Variants in CNKSR2 observed in about 807,000 individuals in gnomAD.
The protein encoded by CNKSR2 is CNK homolog protein 2.
In CNKSR2, 14 loss-of-function variants were observed where a neutral mutation model predicts 84.4. The observed-to-expected ratio is 0.17, with a 90% CI of 0.11 to 0.26. The LOEUF (loss-of-function observed/expected upper bound fraction) is 0.26, where lower values mean the gene tolerates loss of function less well. CNKSR2 is among the 10% of genes least tolerant of loss of function. The pLI, the probability that CNKSR2 is intolerant of heterozygous loss-of-function variation, is 1.00. For missense variants in CNKSR2, 485 were observed against 771.2 expected, an observed-to-expected ratio of 0.63 and a Z score of 4.40; for synonymous variants, 275 against 277.9, an observed-to-expected ratio of 0.99 and a Z score of 0.10.
At chrX:21,445,438 T>C (rs765609813) in intron 4 of CNKSR2, among the ~76,000 whole-genome samples, 52 of 111,231 alleles carry the variant, frequency 4.7e-4, no homozygotes, top group Non-Finnish European at 8.5e-4. Flanking sequence ...TTGTCACTTC[T>C]TTAGGGTGGG....
At chrX:21,604,412 A>T (rs376427849) in intron 18 of CNKSR2, among the ~76,000 whole-genome samples, 5 of 111,270 alleles carry the variant, frequency 4.5e-5, no homozygotes, top group African/African-American at 1.6e-4. Context: ...ACATGTATAC[A>T]TATGTAACAA....
At chrX:21,538,292 G>A (rs1329445393) in intron 11 of CNKSR2, 1 of 111,792 alleles carries the variant, frequency 8.9e-6, no homozygotes, top group Non-Finnish European at 1.9e-5. Context: ...TTTCTGCTGA[G>A]AAATCCACTG....
At chrX:21,527,335 A>G (rs1317019030) in intron 10 of CNKSR2, among the ~76,000 whole-genome samples, 1 of 110,360 alleles carries the variant, frequency 9.1e-6, no homozygotes, top group Non-Finnish European at 1.9e-5. Context: ...AGAAAATTTC[A>G]GGTTACTTTG....
intron 5 of CNKSR2, among the ~76,000 whole-genome samples, chrX:21,479,922 A>G (rs954215175): frequency 9.0e-6 from 1 of 110,948 alleles, no homozygotes; most frequent in African/African-American, 3.3e-5. Context: ...TCACTGTGGG[A>G]CTGCATGATC....
chrX:21,415,406 C>A (rs1211540847), intron 1 of CNKSR2, among the ~76,000 whole-genome samples: 1 of 110,127 alleles, frequency 9.1e-6, no homozygotes, highest in Non-Finnish European at 1.9e-5. Flanking sequence ...ATTTTGTATC[C>A]TGTAACTTTA....
At chrX:21,376,472 C>T (rs2089817362) in intron 1 of CNKSR2, among the ~76,000 whole-genome samples, 2 of 111,765 alleles carry the variant, frequency 1.8e-5, no homozygotes, top group African/African-American at 3.3e-5. Context: ...GTGCATTGTG[C>T]TAAGGTGCCA....
At chrX:21,544,695 A>G (rs1303670093) in intron 11 of CNKSR2, among the ~76,000 whole-genome samples, 1 of 111,285 alleles carries the variant, frequency 9.0e-6, no homozygotes, top group Non-Finnish European at 1.9e-5. Flanking sequence ...TACCTGGCTC[A>G]TCTCACTGGG....
chrX:21,390,708 G>T (rs2090037687), intron 1 of CNKSR2, among the ~76,000 whole-genome samples: 1 of 111,711 alleles, frequency 9.0e-6, no homozygotes, highest in South Asian at 3.7e-4. Flanking sequence ...CAAATCTCAT[G>T]TCCTTCTCAC....
chrX:21,454,604 A>G lies in CNKSR2; in HGVS notation c.519+13823A>G, dbSNP rs370898820. Among the ~76,000 whole-genome samples, 3 of 111,939 alleles carry G rather than the reference A, an allele frequency of 2.7e-5. 1 individual carries two copies. In the East Asian group the frequency reaches 8.4e-4, roughly 31 times the overall value. On this transcript the variant is annotated intron_variant, in intron 4 of 21. Transcript: ENST00000379510. ...AGTTTCTCATGGTTTACAATTACTT[A>G]TTCAAAAGCCTTGCCTTCTCTAAGT...
At chrX:21,578,582 G>A (rs1471418284) in intron 13 of CNKSR2, among the ~76,000 whole-genome samples, 2 of 100,870 alleles carry the variant, frequency 2.0e-5, no homozygotes, top group African/African-American at 3.7e-5. Context: ...TAAATCACAC[G>A]TTGTATATAA....
chrX:21,578,418 A>G (rs2092332825), intron 13 of CNKSR2, among the ~76,000 whole-genome samples: 1 of 110,868 alleles, frequency 9.0e-6, no homozygotes, highest in Non-Finnish European at 1.9e-5. Flanking sequence ...AAATTCAGCT[A>G]TAGGTCAGCT....
intron 8 of CNKSR2, among the ~76,000 whole-genome samples, chrX:21,515,307 C>T (rs1319339652): frequency 1.8e-5 from 2 of 111,226 alleles, no homozygotes; most frequent in Non-Finnish European, 3.8e-5. Flanking sequence ...GGTGGAAGTG[C>T]TCATTCTCTC....
At chrX:21,506,464 T>G (rs1276916872) in intron 8 of CNKSR2, 1 of 111,700 alleles carries the variant, frequency 9.0e-6, no homozygotes, top group Non-Finnish European at 1.9e-5. Flanking sequence ...ATGGATTTGA[T>G]GAGAATGTGT....
chrX:21,623,006 A>T (rs1038975105), intron 20 of CNKSR2, among the ~76,000 whole-genome samples: 1 of 111,128 alleles, frequency 9.0e-6, no homozygotes, highest in African/African-American at 3.3e-5. Flanking sequence ...CAATACCAGA[A>T]TATGTTTGTA....
rs749438012 is a variant in CNKSR2 at position 21,445,772 on chromosome X, T to C, written c.519+4991T>C. ...GACTCATCCATGTTGCTGTGAATTA[T>C]AGGATTTAATTCTTTTTATGGCTGA... On this transcript the variant is annotated intron_variant, in intron 4 of 21. Coordinates refer to ENST00000379510, the MANE Select transcript of CNKSR2 (RefSeq NM_014927.5). 2.3e-3 allele frequency among the ~76,000 whole-genome samples: 261 copies of C among 112,171 alleles called. 1 individual carries two copies. The highest frequency in any genetic ancestry group is 7.9e-3 in the African/African-American group (245 of 31,024).
intron 6 of CNKSR2, chrX:21,495,190 T>A (rs779962514): frequency 3.6e-5 from 4 of 111,804 alleles, no homozygotes; most frequent in Non-Finnish European, 5.6e-5. Flanking sequence ...GTTGAGAGTG[T>A]GGACTCTGGA....
intron 1 of CNKSR2, among the ~76,000 whole-genome samples, chrX:21,383,109 A>G (rs191228989): frequency 8.9e-6 from 1 of 112,582 alleles, no homozygotes; most frequent in East Asian, 2.8e-4. Flanking sequence ...TTAACTCTTT[A>G]TAAAACACCA....
intron 1 of CNKSR2, among the ~76,000 whole-genome samples, chrX:21,402,836 A>G (rs1393499019): frequency 1.8e-5 from 2 of 111,030 alleles, no homozygotes; most frequent in Non-Finnish European, 3.8e-5. Context: ...TTAAAATATT[A>G]TAAAACCTCT....
intron 5 of CNKSR2, among the ~76,000 whole-genome samples, chrX:21,475,467 C>T: frequency 9.0e-6 from 1 of 111,713 alleles, no homozygotes. Context: ...TAATGCCAGG[C>T]AGATTTAGAA....
Sources: gnomAD v4.1 joint callset for allele counts (sites outside exome capture counted in the v4.1 genomes callset) on GRCh38, gnomAD v4.1.1 for gene constraint, MANE v1.5 for transcripts, NCBI Gene and HGNC (gene_info 2026-07-23, HGNC 2026-07-21) for gene names.